ATAD5: variants seen among roughly 807,000 people sequenced by gnomAD.
ATAD5 encodes the protein ATPase family AAA domain containing 5.
ATAD5 carries 58 observed loss-of-function variants against 176.9 expected under a neutral mutation model. The ratio of observed to expected loss-of-function variants is 0.33; its 90% confidence interval spans 0.27 to 0.41. ATAD5 has a LOEUF of 0.41. Among genes scored for constraint, ATAD5 ranks in the 10% least tolerant of loss-of-function variants. ATAD5 has a pLI of 1.00. For missense variants in ATAD5, 1,789 were observed against 2,094.1 expected (o/e 0.85, Z 2.84); for synonymous variants, 640 against 712.6 (o/e 0.90, Z 1.62).
rs1041253303 is a variant in ATAD5, at chr17:30,895,470, T to C, written c.*557T>C. 6.6e-6 allele frequency: 1 copy of C among 150,728 alleles called. No individual in the cohort carries two copies. The highest frequency in any genetic ancestry group is 1.5e-5 in the Non-Finnish European group (1 of 68,026). The allele number at this position is 150,728 out of a possible 1,614,324, so 9.3% of individuals were successfully genotyped here. On this transcript the variant is annotated 3_prime_UTR_variant, in exon 23 of 23. Transcript: ENST00000321990. ...CCCAGGCTGGAGTGCAGTGGCCTGG[T>C]ATCGGCTCAGTGCAACTTTTGCCTC...
At chr17:30,859,733 A>G (rs116296317) in intron 9 of ATAD5, among the ~76,000 whole-genome samples, 2,985 of 125,134 alleles carry the variant, frequency 0.024, 259 homozygotes, top group African/African-American at 0.077. Flanking sequence ...TTGTTTGTTT[A>G]TTTATTTTTA....
intron 8 of ATAD5, 103 bp from the exon 9 acceptor site, chr17:30,858,058 C>G: frequency 9.1e-7 from 1 of 1,104,780 alleles, no homozygotes; most frequent in Non-Finnish European, 1.2e-6. Context: ...GCTAATCTTA[C>G]GTTGATACTG....
chr17:30,851,822 T>C (rs888178858), intron 6 of ATAD5, among the ~76,000 whole-genome samples: 1 of 152,218 alleles, frequency 6.6e-6, no homozygotes, highest in African/African-American at 2.4e-5. Context: ...TCTCAAGTTA[T>C]CTGCTCGCCT....
intron 3 of ATAD5, among the ~76,000 whole-genome samples, chr17:30,839,561 C>CA (rs1421179833): frequency 6.7e-6 from 1 of 149,158 alleles, no homozygotes; most frequent in Non-Finnish European, 1.5e-5. Context: ...AGGCGTGAGA[C>CA]ACTGCACCCG....
intron 13 of ATAD5, 42 bp from the exon 14 acceptor site, chr17:30,869,454 T>G: frequency 6.2e-7 from 1 of 1,607,930 alleles, no homozygotes; most frequent in Non-Finnish European, 8.5e-7. Flanking sequence ...AAAGGAAACA[T>G]AAACCATTCT....
intron 7 of ATAD5, among the ~76,000 whole-genome samples, chr17:30,856,753 A>G (rs1325014873): frequency 6.6e-6 from 1 of 152,152 alleles, no homozygotes. Flanking sequence ...TTTGTTTTAA[A>G]CAACTGGAAG....
intron 16 of ATAD5, among the ~76,000 whole-genome samples, 193 bp from the exon 17 acceptor site, chr17:30,877,810 C>T (rs1016709485): frequency 6.6e-6 from 1 of 152,102 alleles, no homozygotes; most frequent in Non-Finnish European, 1.5e-5. Context: ...TAGGTGGCTG[C>T]GTTTGTTTTT....
chr17:30,877,793 C>T (rs1428695140), intron 16 of ATAD5, among the ~76,000 whole-genome samples: 1 of 152,082 alleles, frequency 6.6e-6, no homozygotes, highest in Non-Finnish European at 1.5e-5. Flanking sequence ...CCATATCTGT[C>T]TAGTTATAGG....
intron 18 of ATAD5, among the ~76,000 whole-genome samples, chr17:30,882,239 A>C (rs1272487857): frequency 6.9e-6 from 1 of 144,786 alleles, no homozygotes; most frequent in Non-Finnish European, 1.5e-5. Context: ...CTGGGCAACA[A>C]GAGCGAAACT....
intron 19 of ATAD5, among the ~76,000 whole-genome samples, chr17:30,888,141 A>AT (rs1567700156): frequency 6.6e-6 from 1 of 152,042 alleles, no homozygotes. Context: ...CCCAAAAAAA[A>AT]ATTTTTTTTA....
intron 18 of ATAD5, among the ~76,000 whole-genome samples, chr17:30,881,982 G>A (rs928967261): frequency 3.3e-5 from 5 of 151,702 alleles, no homozygotes; most frequent in Non-Finnish European, 5.9e-5. Flanking sequence ...TGTCTAGGCC[G>A]GGCGCAGTGG....
chr17:30,837,398 G>T (rs1428110164), intron 3 of ATAD5, 84 bp downstream of exon 3: 6 of 865,410 alleles, frequency 6.9e-6, no homozygotes, highest in Non-Finnish European at 1.1e-5. Context: ...ACTATGGGAA[G>T]TAATGAGCCA....
chr17:30,852,819 G>A (rs1006812772), intron 6 of ATAD5, among the ~76,000 whole-genome samples: 3 of 151,792 alleles, frequency 2.0e-5, no homozygotes, highest in East Asian at 1.9e-4. Flanking sequence ...GCACCAATCC[G>A]TTCATGAGGG....
At chr17:30,893,233 G>A in intron 20 of ATAD5, 61 bp from the exon 21 acceptor site, 1 of 1,492,990 alleles carries the variant, frequency 6.7e-7, no homozygotes, top group Non-Finnish European at 8.9e-7. Context: ...ATTCATACAG[G>A]TAGAAAAGTA....
chr17:30,835,870 T>A lies in ATAD5; in HGVS notation c.1789T>A (p.Ser597Thr). The part of the protein sequence containing the change: ...NVSTPKSTRR[S>T]GRISSTPTTE... ...TTCCACGCCCAAGTCAACTAGAAGA[T>A]CTGGAAGAATTAGCAGCACACCTAC... The change falls in exon 2 of 23, where the codon TCT becomes ACT. Residue 597 changes from serine to threonine, a missense_variant. By Grantham distance (58) the Ser-to-Thr change is moderately conservative. Around this residue, in one of 6 missense-constraint regions of ATAD5, gnomAD observed 696 missense variants for 712.5 expected, o/e 0.98. Transcript: ENST00000321990. 1 of 1,614,052 alleles carries A rather than the reference T, an allele frequency of 6.2e-7. No individual in the cohort carries two copies. Among genetic ancestry groups the A allele is most frequent in the East Asian group, 2.2e-5 (1 of 44,866 alleles).
Position 30,844,027 on chromosome 17 carries a change from A to G in ATAD5, c.2356A>G (p.Lys786Glu), listed in dbSNP as rs564565220. The G allele has an allele frequency of 1.2e-4, 178 of 1,542,106 alleles. 2 individuals carry two copies. In the South Asian group the frequency reaches 2.1e-3, roughly 19 times the overall value. ...AGGAAAAAAACTTAACACATCCACT[A>G]AAAATGTACCTGGTAATCAGAGTTA... is the stretch of plus-strand genomic sequence containing the variant. ...VLGKKLNTST[K>E]NVPGKMKVAP... Residue 786 changes from lysine to glutamate, a missense_variant, in exon 5 of 23, where the codon AAA (lysine) becomes GAA (glutamate). This residue lies in a region of ATAD5 where 487 missense variants were observed against 573.6 expected (regional missense o/e 0.85). Transcript: ENST00000321990.
intron 2 of ATAD5, among the ~76,000 whole-genome samples, chr17:30,836,496 G>T (rs1025714413): frequency 6.6e-6 from 1 of 151,176 alleles, no homozygotes; most frequent in Admixed American, 6.6e-5. Flanking sequence ...AAAGAACAGA[G>T]CTTCAAAAAT....
Position 30,894,000 on chromosome 17 carries a change from G to A in ATAD5, c.5147G>A (p.Ser1716Asn). Residue 1716 changes from serine (S) to asparagine (N), a missense_variant, in exon 21 of 23, where the codon AGC (serine) becomes AAC (asparagine). This residue lies in a region of ATAD5 where 403 missense variants were observed against 495.1 expected (regional missense o/e 0.81). Transcript: ENST00000321990. ...GELKAAAEAL[S>N]FTKCSSAISK... ...TTAAAGGCAGCTGCAGAAGCTCTCA[G>A]CTTTACTAAATGTTCTTCTGCTATT... 6.2e-7 allele frequency: 1 copy of A among 1,613,802 alleles called. No homozygotes were observed. The highest frequency in any genetic ancestry group is 8.5e-7 in the Non-Finnish European group (1 of 1,179,820).
intron 10 of ATAD5, among the ~76,000 whole-genome samples, chr17:30,863,262 C>G (rs1907750949): frequency 6.6e-6 from 1 of 152,090 alleles, no homozygotes; most frequent in Admixed American, 6.6e-5. Context: ...GTAGCATGAT[C>G]TGGACTCACT....
Sources: gnomAD v4.1 joint callset for allele counts (sites outside exome capture counted in the v4.1 genomes callset) on GRCh38, gnomAD v4.1.1 for gene constraint, gnomAD v4.1.1 regional missense constraint, MANE v1.5 for transcripts, NCBI Gene and HGNC (gene_info 2026-07-23, HGNC 2026-07-21) for gene names.